PDE4B: variants seen among roughly 807,000 people sequenced by gnomAD.
PDE4B encodes 3',5'-cyclic-AMP phosphodiesterase 4B.
In PDE4B, 20 loss-of-function variants were observed where a neutral mutation model predicts 82.2. The ratio of observed to expected loss-of-function variants is 0.24; its 90% confidence interval spans 0.17 to 0.35. The LOEUF is 0.35. Ranked by LOEUF, PDE4B falls within the 10% of genes least tolerant of loss-of-function variation. The pLI, the probability that PDE4B is intolerant of heterozygous loss-of-function variation, is 1.00. For missense variants in PDE4B, 655 were observed against 907.2 expected (o/e 0.72, Z 3.57); for synonymous variants, 320 against 318.9 (o/e 1.00, Z -0.04).
chr1:66,156,339 A>T (rs1646500694), intron 3 of PDE4B, among the ~76,000 whole-genome samples: 1 of 152,172 alleles, frequency 6.6e-6, no homozygotes, highest in Admixed American at 6.6e-5. Context: ...AGTGTTTATG[A>T]TGTCATCATA....
chr1:65,995,455 G>A (rs1387439101), intron 3 of PDE4B, among the ~76,000 whole-genome samples: 1 of 152,068 alleles, frequency 6.6e-6, no homozygotes, highest in Non-Finnish European at 1.5e-5. Flanking sequence ...CTAGCCTAAT[G>A]CTTCATGCTT....
At chr1:65,863,824 AC>A in intron 1 of PDE4B, among the ~76,000 whole-genome samples, 1 of 151,452 alleles carries the variant, frequency 6.6e-6, no homozygotes. Context: ...TAGGATTGCA[AC>A]CCCTGCTTTT....
rs79964314 is a variant in PDE4B at position 66,326,268 on chromosome 1, C to T, written c.635-6240C>T. On this transcript the variant is annotated intron_variant, in intron 7 of 16. Transcript: ENST00000341517. ...GAAAGACAGCAAAGTGCACAAATCA[C>T]AAGTTTAGAAATCAGTGAGTTCTTA... Among the ~76,000 whole-genome samples, 735 of 152,262 alleles carry T rather than the reference C, an allele frequency of 4.8e-3. 7 individuals are homozygous for T. The highest frequency in any genetic ancestry group is 0.017 in the African/African-American group (709 of 41,538).
intron 3 of PDE4B, among the ~76,000 whole-genome samples, chr1:66,212,821 A>G (rs538662648): frequency 6.6e-6 from 1 of 152,220 alleles, no homozygotes; most frequent in Non-Finnish European, 1.5e-5. Flanking sequence ...AAGCACAATA[A>G]CAAGGATAAA....
At chr1:65,967,148 G>A (rs760119845) in intron 3 of PDE4B, among the ~76,000 whole-genome samples, 1 of 152,026 alleles carries the variant, frequency 6.6e-6, no homozygotes. Context: ...TCTGACAAAA[G>A]GCTAATATCC....
At chr1:65,936,788 C>T (rs1266535316) in intron 3 of PDE4B, among the ~76,000 whole-genome samples, 1 of 152,084 alleles carries the variant, frequency 6.6e-6, no homozygotes, top group Non-Finnish European at 1.5e-5. Context: ...GAAAGTGGGC[C>T]CTTGAACTCT....
chr1:66,138,261 G>A (rs2101134641), intron 3 of PDE4B, among the ~76,000 whole-genome samples: 1 of 152,330 alleles, frequency 6.6e-6, no homozygotes, highest in Non-Finnish European at 1.5e-5. Flanking sequence ...GGTCACGCCT[G>A]TAATCCCAAC....
chr1:65,873,301 G>C (rs1162792850), intron 1 of PDE4B, among the ~76,000 whole-genome samples: 1 of 152,200 alleles, frequency 6.6e-6, no homozygotes, highest in Non-Finnish European at 1.5e-5. Flanking sequence ...CGGGAAGTAA[G>C]ATGAGTAGGG....
At chr1:65,874,888 G>A (rs1646620360) in intron 1 of PDE4B, among the ~76,000 whole-genome samples, 1 of 152,126 alleles carries the variant, frequency 6.6e-6, no homozygotes, top group African/African-American at 2.4e-5. Flanking sequence ...ACATAGGCAT[G>A]GGCAAGGACT....
At position 66,293,281 on chromosome 1, in the gene PDE4B, A is replaced by C. The variant is rs148581746; in HGVS notation, c.634+27194A>C. Among the ~76,000 whole-genome samples, 617 of 152,256 alleles carry C rather than the reference A, an allele frequency of 4.1e-3. 2 individuals carry two copies. Among genetic ancestry groups the C allele is most frequent in the African/African-American group, 0.014 (594 of 41,568 alleles). ...TTGCTGTGGAGCTCTTGGCAGAGTA[A>C]CTAAAATGTGACAGAAATGAAGGGC... is the stretch of plus-strand genomic sequence containing the variant. On this transcript the variant is annotated intron_variant, in intron 7 of 16. Coordinates refer to ENST00000341517, the MANE Select transcript of PDE4B (RefSeq NM_002600.4).
chr1:66,174,755 G>GCAACAACAA lies in PDE4B; in HGVS notation c.282-72674_282-72666dup, dbSNP rs143629032. 5.8e-3 allele frequency among the ~76,000 whole-genome samples: 869 copies of GCAACAACAA among 149,198 alleles called. 5 individuals carry two copies. The highest frequency in any genetic ancestry group is 7.6e-3 in the Non-Finnish European group (511 of 67,364). ...AGAGCCAGACTCCATCTCAAAAAAA[G>GCAACAACAA]CAACAACAACAACAACAACAACAAC... On this transcript the variant is annotated intron_variant, in intron 3 of 16. Coordinates refer to ENST00000341517, the MANE Select transcript of PDE4B (RefSeq NM_002600.4).
At chr1:66,211,664 T>A (rs1650062735) in intron 3 of PDE4B, among the ~76,000 whole-genome samples, 1 of 152,252 alleles carries the variant, frequency 6.6e-6, no homozygotes. Context: ...GGTTTATAAA[T>A]AAACTGTAAC....
chr1:65,926,577 A>G (rs973430516), intron 3 of PDE4B, among the ~76,000 whole-genome samples: 1 of 152,176 alleles, frequency 6.6e-6, no homozygotes, highest in Non-Finnish European at 1.5e-5. Context: ...TATTTTATGT[A>G]GTAGATATTA....
chr1:66,246,971 G>A (rs1201055050), intron 3 of PDE4B, among the ~76,000 whole-genome samples: 1 of 152,188 alleles, frequency 6.6e-6, no homozygotes, highest in African/African-American at 2.4e-5. Context: ...TTAGAAATAC[G>A]TGTATTGTAT....
chr1:65,864,804 C>G (rs547699117), intron 1 of PDE4B, among the ~76,000 whole-genome samples: 1 of 152,270 alleles, frequency 6.6e-6, no homozygotes, highest in South Asian at 2.1e-4. Flanking sequence ...TCTGTCGACC[C>G]CTGTTGGGAG....
chr1:66,276,747 A>G (rs759747040), intron 7 of PDE4B, among the ~76,000 whole-genome samples: 3 of 152,232 alleles, frequency 2.0e-5, no homozygotes, highest in Non-Finnish European at 4.4e-5. Context: ...CCCTGATCTC[A>G]TAGATCTTAC....
At chr1:66,051,219 TA>T (rs544686839) in intron 3 of PDE4B, among the ~76,000 whole-genome samples, 69 of 151,742 alleles carry the variant, frequency 4.5e-4, no homozygotes, top group African/African-American at 1.1e-3. Context: ...ATAATAAAAT[TA>T]AAAAAAATTA....
rs1340984597 is a variant in PDE4B at position 66,257,801 on chromosome 1, C to A, written c.522C>A (p.Ala174=). The A allele has an allele frequency of 6.2e-7, 1 of 1,612,894 alleles. No individual in the cohort carries two copies. Among genetic ancestry groups the A allele is most frequent in the Non-Finnish European group, 8.5e-7 (1 of 1,179,156 alleles). ...LIVTPFAQVL[A]SLRSVRNNFT... ...AAACATTTTTCTTCTAGGTCCTTGC[C>A]AGCTTGCGAAGTGTGAGAAACAACT... The change falls in exon 6 of 17, where the codon GCC becomes GCA. Residue 174 remains alanine (A), a synonymous_variant. Transcript: ENST00000341517.
At chr1:66,002,835 G>A (rs1326509098) in intron 3 of PDE4B, among the ~76,000 whole-genome samples, 1 of 152,036 alleles carries the variant, frequency 6.6e-6, no homozygotes, top group Non-Finnish European at 1.5e-5. Flanking sequence ...GCAAAATGGA[G>A]AAAAGAGTTT....
Sources: gnomAD v4.1 joint callset for allele counts (sites outside exome capture counted in the v4.1 genomes callset) on GRCh38, gnomAD v4.1.1 for gene constraint, MANE v1.5 for transcripts, NCBI Gene and HGNC (gene_info 2026-07-23, HGNC 2026-07-21) for gene names.